Variants in PTPRD observed in about 807,000 individuals in gnomAD.
The protein encoded by PTPRD is protein tyrosine phosphatase receptor type D.
Under a neutral mutation model 214.5 loss-of-function variants are expected in PTPRD, and 34 were observed. The ratio of observed to expected loss-of-function variants is 0.16; its 90% CI spans 0.12 to 0.21. PTPRD has a LOEUF of 0.21. Among genes scored for constraint, PTPRD ranks in the 10% least tolerant of loss-of-function variants. The pLI is 1.00. For missense variants in PTPRD, 2,545 were observed against 2,398.7 expected (o/e 1.06, Z -1.27); for synonymous variants, 1,128 against 845.7 (o/e 1.33, Z -5.79).
intron 10 of PTPRD, among the ~76,000 whole-genome samples, chr9:9,086,585 G>A (rs2099767362): frequency 6.6e-6 from 1 of 152,066 alleles, no homozygotes; most frequent in South Asian, 2.1e-4. Context: ...CAACCATCTT[G>A]TCCTCACCCC....
chr9:10,556,680 G>A (rs1229814624), intron 2 of PTPRD, among the ~76,000 whole-genome samples: 3 of 151,998 alleles, frequency 2.0e-5, no homozygotes, highest in East Asian at 1.9e-4. Flanking sequence ...ACAAGATCTT[G>A]AGTTTTTAAT....
chr9:10,348,424 C>A (rs1597724829), intron 2 of PTPRD, among the ~76,000 whole-genome samples: 1 of 152,094 alleles, frequency 6.6e-6, no homozygotes, highest in South Asian at 2.1e-4. Flanking sequence ...ACAGGGTTGA[C>A]AAGCATATGC....
chr9:10,120,779 C>T (rs1290222973), intron 3 of PTPRD, among the ~76,000 whole-genome samples: 1 of 152,018 alleles, frequency 6.6e-6, no homozygotes, highest in Non-Finnish European at 1.5e-5. Context: ...CCCATGAAAG[C>T]AGAGAGCTTT....
At chr9:10,203,960 T>A (rs1271658007) in intron 3 of PTPRD, among the ~76,000 whole-genome samples, 1 of 152,166 alleles carries the variant, frequency 6.6e-6, no homozygotes, top group Non-Finnish European at 1.5e-5. Context: ...CTCAATTTTG[T>A]TAGGATTTGA....
chr9:10,211,698 C>G (rs1385945640), intron 3 of PTPRD, among the ~76,000 whole-genome samples: 1 of 152,088 alleles, frequency 6.6e-6, no homozygotes, highest in African/African-American at 2.4e-5. Context: ...AACTCAGGAA[C>G]TGAAGGTCAA....
chr9:10,173,026 A>G (rs949886724), intron 3 of PTPRD, among the ~76,000 whole-genome samples: 24 of 152,220 alleles, frequency 1.6e-4, no homozygotes, highest in African/African-American at 5.8e-4. Flanking sequence ...GAAGCCATTG[A>G]TTGGTGAGTA....
Position 8,499,834 on chromosome 9 carries a change from C to A in PTPRD, c.2135G>T (p.Ser712Ile). The change falls in exon 25 of 46, where the codon AGT becomes ATT. Residue 712 changes from serine to isoleucine, a missense_variant. Ser to Ile is a moderately radical substitution (Grantham distance 142). Transcript: ENST00000381196. ...VLIRTNEDVP[S>I]GPPRKVEVEA... ...TACCTCGACTTTGCGAGGAGGACCA[C>A]TAGGAACTGGAACAACATCATTGGA... 6.2e-7 allele frequency: 1 copy of A among 1,609,552 alleles called. No individual in the cohort carries two copies. Among genetic ancestry groups the A allele is most frequent in the Non-Finnish European group, 8.5e-7 (1 of 1,178,108 alleles).
At position 8,603,324 on chromosome 9, in the gene PTPRD, A is replaced by G. The variant is rs544122327; in HGVS notation, c.352+29993T>C. Among the ~76,000 whole-genome samples the G allele has an allele frequency of 3.9e-5, 6 of 152,306 alleles. No individual in the cohort carries two copies. In the South Asian group the frequency reaches 1.2e-3, roughly 32 times the overall value. ...TTTATTGTAATTGCAAAAGAAAAAA[A>G]TCTAAGTTTTCTTAAATATTATATT... On this transcript the variant is annotated intron_variant, in intron 14 of 45. Transcript: ENST00000381196.
chr9:9,088,005 C>CT (rs890263669), intron 10 of PTPRD, among the ~76,000 whole-genome samples: 1 of 150,556 alleles, frequency 6.6e-6, no homozygotes, highest in African/African-American at 2.4e-5. Context: ...CCCCAGCCTC[C>CT]TGAGTAGCTG....
intron 11 of PTPRD, among the ~76,000 whole-genome samples, chr9:8,828,197 G>C (rs1601134721): frequency 1.3e-5 from 2 of 152,266 alleles, no homozygotes; most frequent in South Asian, 2.1e-4. Context: ...TCAAAGACTT[G>C]TGTTTAAACA....
chr9:9,397,640 A>G (rs1179212389), intron 8 of PTPRD, among the ~76,000 whole-genome samples, 158 bp from the exon 9 acceptor site: 1 of 152,036 alleles, frequency 6.6e-6, no homozygotes, highest in Admixed American at 6.6e-5. Flanking sequence ...TTTATTTCAG[A>G]TGAAAGTGTT....
At chr9:8,584,661 C>T (rs1349897751) in intron 14 of PTPRD, among the ~76,000 whole-genome samples, 1 of 151,968 alleles carries the variant, frequency 6.6e-6, no homozygotes, top group African/African-American at 2.4e-5. Flanking sequence ...AGAAATCTAC[C>T]CCAGCATTTC....
intron 12 of PTPRD, among the ~76,000 whole-genome samples, chr9:8,726,994 AAAG>A (rs1457565534): frequency 2.6e-5 from 4 of 151,886 alleles, no homozygotes; most frequent in African/African-American, 9.7e-5. Flanking sequence ...GGGAAAAGAA[AAAG>A]AAGTAGATCA....
At chr9:10,260,209 A>G (rs373981426) in intron 3 of PTPRD, among the ~76,000 whole-genome samples, 102 of 152,310 alleles carry the variant, frequency 6.7e-4, no homozygotes, top group Non-Finnish European at 1.1e-3. Flanking sequence ...TAGACCCTAT[A>G]TCATCCCCAG....
At chr9:8,414,716 G>C (rs1331808411) in intron 35 of PTPRD, among the ~76,000 whole-genome samples, 1 of 151,898 alleles carries the variant, frequency 6.6e-6, no homozygotes, top group African/African-American at 2.4e-5. Context: ...AAGTATCCCA[G>C]TTTAGGCAAG....
chr9:8,530,733 ATAGT>A (rs1434747639), intron 14 of PTPRD, among the ~76,000 whole-genome samples: 1 of 152,120 alleles, frequency 6.6e-6, no homozygotes, highest in Non-Finnish European at 1.5e-5. Flanking sequence ...AACCAGTTAA[ATAGT>A]TAGGGACCAG....
chr9:9,616,502 T>C (rs2094873322), intron 7 of PTPRD, among the ~76,000 whole-genome samples: 2 of 151,898 alleles, frequency 1.3e-5, no homozygotes, highest in South Asian at 2.1e-4. Context: ...TTATTCTAAG[T>C]TTTCTCATAG....
intron 3 of PTPRD, among the ~76,000 whole-genome samples, chr9:10,172,064 G>A (rs2099211526): frequency 6.6e-6 from 1 of 152,118 alleles, no homozygotes; most frequent in Non-Finnish European, 1.5e-5. Context: ...CAATGATGGA[G>A]CAATGAAAAT....
At chr9:9,901,359 G>C (rs1172944813) in intron 5 of PTPRD, among the ~76,000 whole-genome samples, 3 of 152,112 alleles carry the variant, frequency 2.0e-5, no homozygotes, top group Non-Finnish European at 2.9e-5. Flanking sequence ...TTAAAACCTA[G>C]AGGCAACATG....
Sources: gnomAD v4.1 joint callset for allele counts (sites outside exome capture counted in the v4.1 genomes callset) on GRCh38, gnomAD v4.1.1 for gene constraint, MANE v1.5 for transcripts, NCBI Gene and HGNC (gene_info 2026-07-23, HGNC 2026-07-21) for gene names.